Variants in DIXDC1 observed in about 807,000 individuals in gnomAD.
The protein encoded by DIXDC1 is DIX domain containing 1.
DIXDC1 carries 64 observed loss-of-function variants against 103.1 expected under a neutral mutation model. That is an observed-to-expected ratio of 0.62 (90% confidence interval 0.51 to 0.76). DIXDC1 has a LOEUF of 0.76. Among genes scored for constraint, DIXDC1 ranks in the 30% least tolerant of loss-of-function variants. The probability of loss-of-function intolerance (pLI) is 0.00; values close to 1 mark genes in which losing one functional copy is unlikely to be tolerated. For missense variants in DIXDC1, 759 were observed against 834.2 expected (o/e 0.91, Z 1.11); for synonymous variants, 266 against 298.5 (o/e 0.89, Z 1.12).
At chr11:111,988,527 T>C (rs1191454737) in intron 9 of DIXDC1, among the ~76,000 whole-genome samples, 1 of 152,174 alleles carries the variant, frequency 6.6e-6, no homozygotes, top group Admixed American at 6.5e-5. Flanking sequence ...GCTAAATGTG[T>C]TTTTGTTTGG....
chr11:111,997,042 T>C (rs1860924683), intron 17 of DIXDC1, among the ~76,000 whole-genome samples: 1 of 152,212 alleles, frequency 6.6e-6, no homozygotes, highest in South Asian at 2.1e-4. Context: ...GTATTTTGCC[T>C]TTTGTGGCTT....
In DIXDC1 at chr11:111,958,340, C is replaced by T. The variant is rs587705796; in HGVS notation, c.61-6209C>T. ...AAGCCACAGCTGTGGACCCAGGCAT[C>T]GCTGCACTCTCAGGGGCTAGGCTTG... On this transcript the variant is annotated intron_variant, in intron 1 of 19. Transcript: ENST00000440460. This position sits in a 1 kb window ranked among gnomAD's most constrained non-coding sequence, Gnocchi z 4.2. 4.6e-5 allele frequency among the ~76,000 whole-genome samples: 7 copies of T among 152,312 alleles called. No homozygotes were observed. In the South Asian group the frequency reaches 8.3e-4, roughly 18 times the overall value.
chr11:111,995,565 G>T lies in DIXDC1; in HGVS notation c.1689+1G>T. On this transcript the variant is annotated splice_donor_variant, in intron 16 of 19. Transcript: ENST00000440460. LOFTEE classifies it high-confidence loss of function. ...GACGCAGAAGAAACAAGAAAGAAAG[G>T]TAACCCTCTTGCTGTGGTATCTCTC... 3.7e-6 allele frequency: 6 copies of T among 1,613,790 alleles called. No homozygotes were observed. The highest frequency in any genetic ancestry group is 5.1e-6 in the Non-Finnish European group (6 of 1,179,894).
At chr11:111,975,585 G>A (rs1256870242) in intron 5 of DIXDC1, 49 of 985,564 alleles carry the variant, frequency 5.0e-5, no homozygotes, top group Non-Finnish European at 5.8e-5. Context: ...CCTTATCAGT[G>A]GCAGAAAAAA....
chr11:111,954,866 T>G lies in DIXDC1; in HGVS notation c.61-9683T>G, dbSNP rs150810747. ...CTGTGGTGTTGGGTTGGAAGAGATA[T>G]CAATATAATTTATGGTATAAATTAT... On this transcript the variant is annotated intron_variant, in intron 1 of 19. Transcript: ENST00000440460. Among the ~76,000 whole-genome samples, 10 of 152,144 alleles carry G rather than the reference T, an allele frequency of 6.6e-5. No homozygotes were observed. In the East Asian group the frequency reaches 1.9e-3, roughly 29 times the overall value.
intron 17 of DIXDC1, among the ~76,000 whole-genome samples, chr11:112,006,297 C>T (rs587759971): frequency 3.3e-5 from 5 of 152,024 alleles, no homozygotes; most frequent in Non-Finnish European, 4.4e-5. Flanking sequence ...TCAAACTGGG[C>T]GGAGCCCACC....
intron 7 of DIXDC1, 136 bp from the exon 8 acceptor site, chr11:111,985,095 AG>A: frequency 1.4e-6 from 1 of 731,162 alleles, no homozygotes; most frequent in East Asian, 2.7e-5. Flanking sequence ...GAAGTATCTA[AG>A]GAGCAAAAAT....
In DIXDC1 at chr11:112,017,737, G is replaced by T; in HGVS notation, c.1863-40G>T. 2.0e-6 allele frequency: 3 copies of T among 1,519,366 alleles called. No homozygotes were observed. In the South Asian group the frequency reaches 3.5e-5, roughly 18 times the overall value. The allele number at this position is 1,519,366 out of a possible 1,614,324, so 94.1% of individuals were successfully genotyped here. Reference sequence around the variant, plus strand: ...TTAACATCTTATCTTTCCAGCTATTGATCAACAGTCTATTTTAGTGCTCTC... The same window carrying T: ...TTAACATCTTATCTTTCCAGCTATTTATCAACAGTCTATTTTAGTGCTCTC... On this transcript the variant is annotated intron_variant, in intron 18 of 19. Transcript: ENST00000440460. The surrounding 1 kb of genome is among the most constrained non-coding windows in gnomAD (Gnocchi z 4.0).
intron 17 of DIXDC1, among the ~76,000 whole-genome samples, chr11:112,002,424 G>T (rs1555176109): frequency 1.3e-5 from 2 of 152,192 alleles, no homozygotes; most frequent in Non-Finnish European, 2.9e-5. Context: ...CCACTGCTGG[G>T]TATGTATCCA....
chr11:111,959,974 A>C (rs1215303058), intron 1 of DIXDC1, among the ~76,000 whole-genome samples: 1 of 152,016 alleles, frequency 6.6e-6, no homozygotes, highest in African/African-American at 2.4e-5. Context: ...CACTGGCGCA[A>C]TCTCGACTCA....
At chr11:111,991,554 T>C (rs1860713644) in intron 10 of DIXDC1, among the ~76,000 whole-genome samples, 1 of 152,178 alleles carries the variant, frequency 6.6e-6, no homozygotes, top group Non-Finnish European at 1.5e-5. Context: ...AGGACAAATA[T>C]ATTAGAATGC....
At chr11:111,973,687 G>A (rs1860008221) in intron 3 of DIXDC1, among the ~76,000 whole-genome samples, 1 of 152,016 alleles carries the variant, frequency 6.6e-6, no homozygotes. Flanking sequence ...TCTTTCTCTT[G>A]TCTAACTAAT....
intron 1 of DIXDC1, among the ~76,000 whole-genome samples, chr11:111,951,611 A>G (rs1214626430): frequency 6.6e-6 from 1 of 152,098 alleles, no homozygotes; most frequent in African/African-American, 2.4e-5. Flanking sequence ...CCCCACCCAA[A>G]TCTCTTCTTG....
chr11:111,956,542 T>C (rs587611861), intron 1 of DIXDC1, among the ~76,000 whole-genome samples: 34 of 152,212 alleles, frequency 2.2e-4, no homozygotes, highest in African/African-American at 7.5e-4. Flanking sequence ...CAGGCTGGAG[T>C]GCAATGGCAC....
At chr11:111,968,176 A>T (rs1198620707) in intron 2 of DIXDC1, among the ~76,000 whole-genome samples, 1 of 152,216 alleles carries the variant, frequency 6.6e-6, no homozygotes, top group Non-Finnish European at 1.5e-5. Flanking sequence ...AAATTCTATG[A>T]AGGGAGGGAC....
intron 10 of DIXDC1, among the ~76,000 whole-genome samples, chr11:111,990,467 T>C (rs1199848597): frequency 6.6e-6 from 1 of 152,144 alleles, no homozygotes; most frequent in Non-Finnish European, 1.5e-5. Context: ...CAAATGGTAA[T>C]ATACTAGAAA....
chr11:111,973,948 G>T (rs1860015359), intron 3 of DIXDC1, 75 bp from the exon 4 acceptor site: 1 of 1,400,846 alleles, frequency 7.1e-7, no homozygotes, highest in Admixed American at 2.0e-5. Context: ...TGTAATAAAT[G>T]CAGAAGTCCT....
intron 3 of DIXDC1, among the ~76,000 whole-genome samples, chr11:111,972,832 C>A (rs1386655479): frequency 6.6e-6 from 1 of 151,312 alleles, no homozygotes; most frequent in Admixed American, 6.6e-5. Flanking sequence ...TGATCACACT[C>A]CTGGTCACTT....
At chr11:111,988,762 C>T (rs1305989057) in intron 9 of DIXDC1, among the ~76,000 whole-genome samples, 1 of 152,172 alleles carries the variant, frequency 6.6e-6, no homozygotes, top group Non-Finnish European at 1.5e-5. Context: ...TCTTTCTTGG[C>T]AACTCTTCTC....
Sources: allele counts gnomAD v4.1 joint callset (sites outside exome capture counted in the v4.1 genomes callset), GRCh38; gene constraint gnomAD v4.1.1; non-coding constraint Gnocchi (gnomAD v3.1); transcripts MANE v1.5; gene names NCBI Gene and HGNC (gene_info 2026-07-23, HGNC 2026-07-21).